The following TAL1 variants were observed in gnomAD, a reference collection of about 807,000 sequenced individuals.
TAL1 encodes the protein TAL bHLH transcription factor 1, erythroid differentiation factor.
A neutral mutation model predicts 17.9 loss-of-function variants in TAL1; 8 were observed. That is an observed-to-expected ratio of 0.45 (90% CI 0.26 to 0.81). The LOEUF (loss-of-function observed/expected upper bound fraction) is 0.81. TAL1 is among the 30% of genes least tolerant of loss of function. The pLI is 0.17. For missense variants in TAL1, 466 were observed against 486.9 expected, an observed-to-expected ratio of 0.96 and a Z score of 0.40; for synonymous variants, 223 against 218.6, an observed-to-expected ratio of 1.02 and a Z score of -0.18.
exon 4 of TAL1, chr1:47,218,240 C>T (rs1053576607): frequency 1.7e-5 from 4 of 233,558 alleles, no homozygotes; most frequent in Non-Finnish European, 3.4e-5. Context: ...ACATACAGGA[C>T]TTCTGTGCAA....
intron 2 of TAL1, 75 bp downstream of exon 3, chr1:47,225,368 T>G: frequency 1.7e-6 from 2 of 1,197,174 alleles, no homozygotes; most frequent in Non-Finnish European, 2.1e-6. Flanking sequence ...CGCCGATGTG[T>G]AGAAGGAAAC....
exon 2 of TAL1, chr1:47,225,762 G>C: frequency 6.5e-7 from 1 of 1,547,100 alleles, no homozygotes; most frequent in Non-Finnish European, 8.6e-7. Flanking sequence ...GCGGCCGCGC[G>C]GCTCGTCTCC....
At chr1:47,228,470 C>A (rs1048487707) in intron 1 of TAL1, 2 of 193,138 alleles carry the variant, frequency 1.0e-5, no homozygotes, top group African/African-American at 2.3e-5. Flanking sequence ...CTGCTTATAG[C>A]CCCCAACAGG....
At chr1:47,227,973 T>C (rs1387827560) in intron 1 of TAL1, 1 of 152,284 alleles carries the variant, frequency 6.6e-6, no homozygotes, top group Non-Finnish European at 1.5e-5. Flanking sequence ...CAGTGTGCAC[T>C]GCAGTTGCAG....
At chr1:47,217,303 G>T (rs890863699) in exon 4 of TAL1, 11 of 384,746 alleles carry the variant, frequency 2.9e-5, no homozygotes, top group African/African-American at 2.1e-4. Context: ...TGAGAGGATT[G>T]CTTGAGCCCA....
intron 3 of TAL1, chr1:47,223,426 G>A (rs906164682): frequency 6.6e-6 from 1 of 152,558 alleles, no homozygotes; most frequent in African/African-American, 2.4e-5. Context: ...GAATCCAGGG[G>A]GCAAGGTAGA....
chr1:47,220,122 C>T lies in TAL1; in HGVS notation c.594G>A (p.Trp198Ter). 6.2e-7 allele frequency: 1 copy of T among 1,602,650 alleles called. No homozygotes were observed. The highest frequency in any genetic ancestry group is 2.2e-5 in the East Asian group (1 of 44,642). The change falls in exon 4 of 4, where the codon TGG becomes TGA. Residue 198 changes from tryptophan (W) to a stop codon, truncating the protein, a stop_gained. Coordinates refer to ENST00000294339, the Ensembl canonical transcript of TAL1. LOFTEE classifies it high-confidence loss of function. ...AGGCCCCGTTCACATTCTGCTGCCGCCATCGCTCCCGGCTGTTGGTGAAGA... is the reference window on the plus strand; with the variant it reads ...AGGCCCCGTTCACATTCTGCTGCCGTCATCGCTCCCGGCTGTTGGTGAAGA...
At chr1:47,223,777 C>A (rs1038905522) in intron 3 of TAL1, among the ~76,000 whole-genome samples, 1 of 152,188 alleles carries the variant, frequency 6.6e-6, no homozygotes, top group African/African-American at 2.4e-5. Context: ...GTGTCTCTCT[C>A]CCATGCCTCC....
chr1:47,218,738 T>C, exon 4 of TAL1: 1 of 233,354 alleles, frequency 4.3e-6, no homozygotes, highest in Non-Finnish European at 8.5e-6. Flanking sequence ...ATTCGGAACA[T>C]AGACCAGACC....
rs564774937 is a variant in TAL1 at position 47,220,248 on chromosome 1, G to A, written c.542-74C>T. Reference sequence around the variant, plus strand: ...CCCCAAAGGCATCTCCATACATTGGGAAACTTGGGAAGCCTAGAATGCCTA... The same window carrying A: ...CCCCAAAGGCATCTCCATACATTGGAAAACTTGGGAAGCCTAGAATGCCTA... On this transcript the variant is annotated intron_variant, in intron 3 of 3. Transcript: ENST00000294339. 2,500 of 1,431,532 alleles carry A rather than the reference G, an allele frequency of 1.7e-3. 3 individuals carry two copies. Among genetic ancestry groups the A allele is most frequent in the Non-Finnish European group, 2.2e-3 (2,403 of 1,087,586 alleles). The allele number at this position is 1,431,532 out of a possible 1,614,324, so 88.7% of individuals were successfully genotyped here.
At chr1:47,221,359 C>G (rs1643802267) in intron 3 of TAL1, among the ~76,000 whole-genome samples, 1 of 152,228 alleles carries the variant, frequency 6.6e-6, no homozygotes, top group Admixed American at 6.5e-5. Context: ...CTGACTATGG[C>G]TTGGCCCAAT....
At chr1:47,219,741 G>C (rs768232051) in exon 4 of TAL1, 28 of 1,610,120 alleles carry the variant, frequency 1.7e-5, no homozygotes, top group Admixed American at 3.3e-5. Context: ...CGGCTCCATC[G>C]GCGGCAGGCA....
chr1:47,232,090 AAG>A (rs1396074888), upstream of TAL1: 10 of 228,724 alleles, frequency 4.4e-5, no homozygotes, highest in African/African-American at 2.0e-4. Context: ...CGTGGGGAAA[AAG>A]AGGAGGAAAT....
chr1:47,219,932 C>A lies in TAL1; in HGVS notation c.784G>T (p.Val262Leu), dbSNP rs372982839. ...CCACCTCCACCCCCACCAGCCCCCA[C>A]CACAGGGTCCTTGCCAGTCTTGGCC... The change falls in exon 4 of 4, where the codon GTG (valine) becomes TTG (leucine). Residue 262 changes from valine to leucine, a missense_variant. Val to Leu is a conservative substitution (Grantham distance 32). Around this residue, in one of 5 missense-constraint regions of TAL1, gnomAD observed 134 missense variants for 122.0 expected, o/e 1.10. Transcript: ENST00000294339. The A allele has an allele frequency of 1.7e-5, 26 of 1,523,860 alleles. No homozygotes were observed. The African/African-American group carries it at 3.4e-4, about 20-fold the overall frequency. 94.4% of individuals were successfully genotyped at this position (1,523,860 alleles called of 1,614,324 possible).
At chr1:47,232,233 C>T (rs1254541704), upstream of TAL1, 1 of 176,382 alleles carries the variant, frequency 5.7e-6, no homozygotes, top group African/African-American at 2.4e-5. Flanking sequence ...GGCGGCCCGG[C>T]CCCTCCCGCG....
intron 3 of TAL1, among the ~76,000 whole-genome samples, chr1:47,222,928 C>G (rs1643851983): frequency 6.6e-6 from 1 of 152,162 alleles, no homozygotes; most frequent in Non-Finnish European, 1.5e-5. Flanking sequence ...TTGGTACACC[C>G]ACCTCTCTTA....
intron 1 of TAL1, chr1:47,226,137 C>T (rs1273979696): frequency 6.4e-6 from 3 of 470,420 alleles, no homozygotes; most frequent in African/African-American, 4.1e-5. Context: ...GACTGAGGGC[C>T]AAAAGGACAG....
At chr1:47,219,894 G>GGCGCCCCCCCCCCCCCCCCCCCCCCCC in exon 4 of TAL1, 2 of 1,556,026 alleles carry the variant, frequency 1.3e-6, no homozygotes, top group Non-Finnish European at 1.7e-6. Flanking sequence ...CTGGGGGCGC[G>GGCGCCCCCCCCCCCCCCCCCCCCCCCC]CCGCCCCCTC....
At chr1:47,231,370 C>A (rs1410096348), upstream of TAL1, among the ~76,000 whole-genome samples, 2 of 149,700 alleles carry the variant, frequency 1.3e-5, no homozygotes, top group Non-Finnish European at 3.0e-5. Flanking sequence ...CCGCCCCCAG[C>A]GATTTGCAAA....
Sources: gnomAD v4.1 joint callset for allele counts (sites outside exome capture counted in the v4.1 genomes callset) on GRCh38, gnomAD v4.1.1 for gene constraint, gnomAD v4.1.1 regional missense constraint, MANE v1.5 for transcripts, NCBI Gene and HGNC (gene_info 2026-07-23, HGNC 2026-07-21) for gene names.